MCMDC2: variants seen among roughly 807,000 people sequenced by gnomAD.
MCMDC2 encodes minichromosome maintenance domain containing 2.
In MCMDC2, 54 loss-of-function variants were observed where a neutral mutation model predicts 75.8. The observed-to-expected ratio is 0.71, with a 90% confidence interval of 0.57 to 0.89. The LOEUF (loss-of-function observed/expected upper bound fraction) is 0.89, where lower values mean the gene tolerates loss of function less well. Ranked by LOEUF, MCMDC2 falls within the 40% of genes least tolerant of loss-of-function variation. The pLI is 0.00. For missense variants in MCMDC2, 656 were observed against 780.4 expected (o/e 0.84, Z 1.90); for synonymous variants, 249 against 274.6 (o/e 0.91, Z 0.92).
intron 12 of MCMDC2, among the ~76,000 whole-genome samples, chr8:66,898,265 T>G (rs1812452882): frequency 6.6e-6 from 1 of 152,186 alleles, no homozygotes; most frequent in Non-Finnish European, 1.5e-5. Context: ...ATGAGCCTAT[T>G]TCCATTCTTT....
At chr8:66,899,221 G>A (rs998075977) in intron 12 of MCMDC2, among the ~76,000 whole-genome samples, 2 of 152,152 alleles carry the variant, frequency 1.3e-5, no homozygotes, top group Non-Finnish European at 2.9e-5. Flanking sequence ...TGTCCTCCCC[G>A]ACTTCTGCCT....
chr8:66,881,953 G>T (rs1811589684), intron 8 of MCMDC2, among the ~76,000 whole-genome samples: 1 of 152,102 alleles, frequency 6.6e-6, no homozygotes, highest in South Asian at 2.1e-4. Flanking sequence ...TCCCTGAATG[G>T]GCTATATATA....
chr8:66,892,410 T>G (rs1812151708), intron 10 of MCMDC2, among the ~76,000 whole-genome samples: 1 of 152,184 alleles, frequency 6.6e-6, no homozygotes, highest in African/African-American at 2.4e-5. Context: ...TCCCAAGTTC[T>G]TGTTCCACGT....
chr8:66,896,410 A>C (rs1449042039), intron 11 of MCMDC2, 74 bp downstream of exon 11: 4 of 1,346,522 alleles, frequency 3.0e-6, no homozygotes, highest in Non-Finnish European at 2.0e-6. Flanking sequence ...ACATCTTAAT[A>C]TTTTTGTTAT....
intron 9 of MCMDC2, 21 bp downstream of exon 9, chr8:66,884,015 T>C (rs748874540): frequency 6.8e-7 from 1 of 1,464,988 alleles, no homozygotes; most frequent in South Asian, 1.1e-5. Flanking sequence ...GACATGAATT[T>C]TTACAAATAT....
intron 12 of MCMDC2, among the ~76,000 whole-genome samples, chr8:66,899,897 A>G (rs1419323163): frequency 4.7e-5 from 7 of 148,784 alleles, no homozygotes; most frequent in South Asian, 2.1e-4. Flanking sequence ...TGAGGCGGGC[A>G]GATCACCTGA....
In MCMDC2 at chr8:66,874,553, C is replaced by T. The variant is rs1282434965; in HGVS notation, c.252C>T (p.Leu84=). 6.2e-6 allele frequency: 10 copies of T among 1,613,114 alleles called. No individual in the cohort carries two copies. The highest frequency in any genetic ancestry group is 3.3e-4 in the Middle Eastern group (2 of 6,062). Residue 84 remains leucine (L), a synonymous_variant, in exon 4 of 15, where the codon CTC becomes CTT. Transcript: ENST00000422365. ...TCTGTTTTATTGCTGTTAAGACTCT[C>T]TCATTAATTGGACAATTGCAGACTG... ...QSVCFIAVKT[L]SLIGQLQTET... is the part of the protein sequence containing the mutation.
intron 8 of MCMDC2, among the ~76,000 whole-genome samples, chr8:66,882,925 C>G (rs1230433284): frequency 6.6e-6 from 1 of 152,098 alleles, no homozygotes; most frequent in Admixed American, 6.6e-5. Flanking sequence ...GGAGAGTGTG[C>G]TTTCTTATGC....
At chr8:66,880,557 T>C (rs1302182377) in intron 7 of MCMDC2, among the ~76,000 whole-genome samples, 1 of 152,238 alleles carries the variant, frequency 6.6e-6, no homozygotes, top group African/African-American at 2.4e-5. Context: ...TCATCTTATA[T>C]GGAATAATTT....
chr8:66,898,608 G>C (rs1317232317), intron 12 of MCMDC2, among the ~76,000 whole-genome samples: 1 of 135,336 alleles, frequency 7.4e-6, no homozygotes, highest in Admixed American at 8.0e-5. Flanking sequence ...TGGGCGACAA[G>C]AGCAAAACTC....
intron 8 of MCMDC2, among the ~76,000 whole-genome samples, 189 bp from the exon 9 acceptor site, chr8:66,883,568 G>A (rs1030124680): frequency 6.6e-6 from 1 of 151,794 alleles, no homozygotes; most frequent in African/African-American, 2.4e-5. Flanking sequence ...TCAAGGCAGG[G>A]GAATCAATTG....
chr8:66,901,458 G>T, intron 13 of MCMDC2, 110 bp downstream of exon 13: 1 of 1,472,658 alleles, frequency 6.8e-7, no homozygotes, highest in Non-Finnish European at 9.0e-7. Flanking sequence ...TTGCTAGTTG[G>T]TTGGTTTGTA....
chr8:66,900,361 C>T (rs1812596867), intron 12 of MCMDC2, among the ~76,000 whole-genome samples: 1 of 151,932 alleles, frequency 6.6e-6, no homozygotes, highest in Admixed American at 6.6e-5. Context: ...TCGCTTGAAC[C>T]CCAGAGGCTG....
At chr8:66,900,761 A>G (rs1812621349) in intron 12 of MCMDC2, among the ~76,000 whole-genome samples, 1 of 152,226 alleles carries the variant, frequency 6.6e-6, no homozygotes, top group Admixed American at 6.5e-5. Flanking sequence ...AAAGCAGTTA[A>G]CACAATGTTT....
chr8:66,923,446 G>A (rs1389027009), downstream of MCMDC2, among the ~76,000 whole-genome samples: 1 of 152,096 alleles, frequency 6.6e-6, no homozygotes, highest in East Asian at 1.9e-4. Context: ...TTCATGTGCT[G>A]AAATGCTGAA....
At chr8:66,889,147 T>C (rs1209067861) in intron 9 of MCMDC2, among the ~76,000 whole-genome samples, 2 of 152,236 alleles carry the variant, frequency 1.3e-5, no homozygotes, top group African/African-American at 4.8e-5. Flanking sequence ...CCTACTTTTG[T>C]ATCACCCCCT....
rs1266506745 is a variant in MCMDC2, at chr8:66,878,643, G to A, written c.551G>A (p.Cys184Tyr). 6.4e-7 allele frequency: 1 copy of A among 1,572,528 alleles called. No homozygotes were observed. Among genetic ancestry groups the A allele is most frequent in the Non-Finnish European group, 8.6e-7 (1 of 1,166,212 alleles). The change falls in exon 6 of 15, where the codon TGT becomes TAT. Residue 184 changes from cysteine (C) to tyrosine (Y), a missense_variant. Coordinates refer to ENST00000422365, the MANE Select transcript of MCMDC2 (RefSeq NM_173518.5). ...GCAACGATAAGAAATGACTTTTTGTGTAATCTATGTGCATCTTCACTTCAA... is the reference window on the plus strand; with the variant it reads ...GCAACGATAAGAAATGACTTTTTGTATAATCTATGTGCATCTTCACTTCAA... ...ESATIRNDFL[C>Y]NLCASSLQED...
chr8:66,878,668 A>G lies in MCMDC2; in HGVS notation c.576A>G (p.Gln192=). The change falls in exon 6 of 15, where the codon CAA becomes CAG. Residue 192 remains glutamine (Q), a synonymous_variant. Coordinates refer to ENST00000422365, the MANE Select transcript of MCMDC2 (RefSeq NM_173518.5). Reference sequence around the variant, plus strand: ...GTAATCTATGTGCATCTTCACTTCAAGAAGACAGAAAATTTAGAGTACTTG... The same window carrying G: ...GTAATCTATGTGCATCTTCACTTCAGGAAGACAGAAAATTTAGAGTACTTG... ...FLCNLCASSL[Q]EDRKFRVLGD... 1.3e-6 allele frequency: 2 copies of G among 1,568,870 alleles called. No individual in the cohort carries two copies. Among genetic ancestry groups the G allele is most frequent in the Middle Eastern group, 1.7e-4 (1 of 5,916 alleles).
intron 13 of MCMDC2, among the ~76,000 whole-genome samples, chr8:66,904,224 T>G (rs899709539): frequency 6.6e-6 from 1 of 152,088 alleles, no homozygotes; most frequent in African/African-American, 2.4e-5. Flanking sequence ...CCAAATTAGG[T>G]CATGAGGAGA....
Sources: gnomAD v4.1 joint callset for allele counts (sites outside exome capture counted in the v4.1 genomes callset) on GRCh38, gnomAD v4.1.1 for gene constraint, MANE v1.5 for transcripts, NCBI Gene and HGNC (gene_info 2026-07-23, HGNC 2026-07-21) for gene names.